Variants in GPD2 observed in about 807,000 individuals in gnomAD.
The protein encoded by GPD2 is glycerol-3-phosphate dehydrogenase 2.
A neutral mutation model predicts 82.4 loss-of-function variants in GPD2; 54 were observed. The observed-to-expected ratio is 0.66, with a 90% confidence interval of 0.53 to 0.82. The LOEUF (loss-of-function observed/expected upper bound fraction) is 0.82, where lower values mean the gene tolerates loss of function less well. Among genes scored for constraint, GPD2 ranks in the 40% least tolerant of loss-of-function variants. GPD2 has a pLI of 0.00. For synonymous variants in GPD2, 288 were observed against 306.1 expected, an observed-to-expected ratio of 0.94 and a Z score of 0.62; for missense variants, 748 against 896.2, an observed-to-expected ratio of 0.83 and a Z score of 2.11.
chr2:156,514,551 T>G (rs1685127414), intron 6 of GPD2, among the ~76,000 whole-genome samples: 1 of 152,122 alleles, frequency 6.6e-6, no homozygotes. Context: ...AGGCTATCCC[T>G]GTGTTTTTTT....
chr2:156,463,565 C>T (rs763048718), intron 1 of GPD2, among the ~76,000 whole-genome samples: 1 of 152,082 alleles, frequency 6.6e-6, no homozygotes, highest in Non-Finnish European at 1.5e-5. Flanking sequence ...TAGCTTTGGA[C>T]ATTTTGAAGG....
At chr2:156,432,081 T>C (rs1423962755), upstream of GPD2, among the ~76,000 whole-genome samples, 1 of 152,018 alleles carries the variant, frequency 6.6e-6, no homozygotes, top group Non-Finnish European at 1.5e-5. Context: ...AGAGACAAGG[T>C]TCCACCATGT....
At position 156,549,757 on chromosome 2, in the gene GPD2, A is replaced by G. The variant is rs1461759218; in HGVS notation, c.811A>G (p.Lys271Glu). Reference sequence around the variant, plus strand: ...AGTGCGTGTGAGCGGCGCACGGTGCAAGGATGTCCTCACAGGTATGCCAGG... The same window carrying G: ...AGTGCGTGTGAGCGGCGCACGGTGCGAGGATGTCCTCACAGGTATGCCAGG... The part of the protein sequence containing the change: ...GKVRVSGARC[K>E]DVLTGQEFDV... The change falls in exon 7 of 17, where the codon AAG becomes GAG. Residue 271 changes from lysine (K) to glutamate (E), a missense_variant. Lys to Glu is a moderately conservative substitution (Grantham distance 56, BLOSUM62 1). This residue lies in a region of GPD2 where 692 missense variants were observed against 809.7 expected (regional missense o/e 0.85). Coordinates refer to ENST00000438166, the MANE Select transcript of GPD2 (RefSeq NM_000408.5). The G allele has an allele frequency of 6.2e-7, 1 of 1,613,546 alleles. No individual in the cohort carries two copies. The highest frequency in any genetic ancestry group is 8.5e-7 in the Non-Finnish European group (1 of 1,179,604).
chr2:156,418,113 G>A, the GPD2 span, among the ~76,000 whole-genome samples: 4 of 152,156 alleles, frequency 2.6e-5, no homozygotes, highest in African/African-American at 9.7e-5. Flanking sequence ...TACTCGGGAG[G>A]CTGAGGCAGG....
chr2:156,529,312 G>T (rs1177482909), intron 6 of GPD2, among the ~76,000 whole-genome samples: 1 of 146,966 alleles, frequency 6.8e-6, no homozygotes, highest in Non-Finnish European at 1.5e-5. Flanking sequence ...AAATTTGTTT[G>T]AGTTCATTGT....
intron 13 of GPD2, among the ~76,000 whole-genome samples, chr2:156,574,749 A>T (rs1286293386): frequency 6.6e-6 from 1 of 152,204 alleles, no homozygotes; most frequent in Non-Finnish European, 1.5e-5. Flanking sequence ...AATAATGTGG[A>T]TGTGTATGAG....
the GPD2 span, among the ~76,000 whole-genome samples, chr2:156,406,181 TCATTA>T: frequency 2.0e-5 from 3 of 152,064 alleles, no homozygotes; most frequent in African/African-American, 7.2e-5. Flanking sequence ...GGGAATTAAA[TCATTA>T]CTTATTCCAT....
intron 13 of GPD2, among the ~76,000 whole-genome samples, chr2:156,577,132 T>A (rs780766796): frequency 4.6e-5 from 7 of 152,192 alleles, no homozygotes; most frequent in Non-Finnish European, 1.0e-4. Context: ...GAAGGAAGAA[T>A]GTTTCTAGTA....
At chr2:156,550,572 G>C (rs565041120) in intron 7 of GPD2, 30 bp from the exon 8 acceptor site, 2 of 1,610,084 alleles carry the variant, frequency 1.2e-6, no homozygotes, top group Non-Finnish European at 1.7e-6. Flanking sequence ...AACAAATGAG[G>C]TGTGTGATTG....
chr2:156,510,914 T>C lies in GPD2; in HGVS notation c.393T>C (p.Ile131=). 1.2e-6 allele frequency: 2 copies of C among 1,613,726 alleles called. No individual in the cohort carries two copies. The highest frequency in any genetic ancestry group is 4.5e-5 in the East Asian group (2 of 44,862). ...YLQKAIMKLD[I]EQYRMVKEAL... ...AGAAGGCCATCATGAAGTTGGATATTGAGCAGGTAATTGTGTATGCTGGTT... is the reference window on the plus strand; with the variant it reads ...AGAAGGCCATCATGAAGTTGGATATCGAGCAGGTAATTGTGTATGCTGGTT... The change falls in exon 4 of 17, where the codon ATT becomes ATC. Residue 131 remains isoleucine, a synonymous_variant. Coordinates refer to ENST00000438166, the MANE Select transcript of GPD2 (RefSeq NM_000408.5).
At chr2:156,511,888 G>GA (rs1487437162) in intron 4 of GPD2, among the ~76,000 whole-genome samples, 1 of 152,130 alleles carries the variant, frequency 6.6e-6, no homozygotes, top group Non-Finnish European at 1.5e-5. Flanking sequence ...CTCCTACACA[G>GA]AAAAAATATT....
chr2:156,501,551 G>A (rs1684585346), intron 3 of GPD2, among the ~76,000 whole-genome samples: 1 of 152,128 alleles, frequency 6.6e-6, no homozygotes, highest in Non-Finnish European at 1.5e-5. Context: ...TGTGTGCATT[G>A]TAGGATAAAT....
At chr2:156,509,855 C>T (rs949022288) in intron 3 of GPD2, among the ~76,000 whole-genome samples, 2 of 147,520 alleles carry the variant, frequency 1.4e-5, no homozygotes, top group African/African-American at 5.0e-5. Flanking sequence ...CTCACTGTAA[C>T]CTCTGCCTCC....
chr2:156,456,863 G>A (rs889297406), intron 1 of GPD2, among the ~76,000 whole-genome samples: 1 of 152,104 alleles, frequency 6.6e-6, no homozygotes, highest in Non-Finnish European at 1.5e-5. Flanking sequence ...TGGTTTGGGC[G>A]ACACAGTGGT....
intron 6 of GPD2, among the ~76,000 whole-genome samples, chr2:156,531,758 C>T (rs1412483564): frequency 2.6e-5 from 4 of 152,148 alleles, no homozygotes; most frequent in Admixed American, 2.6e-4. Flanking sequence ...TGAGGGCCCT[C>T]CACAACACAA....
intron 1 of GPD2, among the ~76,000 whole-genome samples, chr2:156,473,856 G>C (rs1275218726): frequency 6.6e-6 from 1 of 152,132 alleles, no homozygotes; most frequent in African/African-American, 2.4e-5. Context: ...AGCAACCTAG[G>C]ATATAAGGTT....
intron 13 of GPD2, among the ~76,000 whole-genome samples, chr2:156,572,726 A>G (rs1374714221): frequency 4.6e-5 from 7 of 152,206 alleles, no homozygotes; most frequent in African/African-American, 1.7e-4. Flanking sequence ...AATCCAGGAA[A>G]AAGAGAAAAT....
At chr2:156,579,929 G>C (rs1358416429) in intron 16 of GPD2, 141 bp downstream of exon 16, 1 of 695,030 alleles carries the variant, frequency 1.4e-6, no homozygotes, top group Non-Finnish European at 2.7e-6. Flanking sequence ...GAAGCCAGCA[G>C]AGGTTGATAT....
chr2:156,585,747 G>A lies in GPD2; in HGVS notation c.*2829G>A, dbSNP rs575389605. ...GATGTTATTTTTCTCTTATGTATCT[G>A]TAAAGATTTTTGGCATATGAATGTA... On this transcript the variant is annotated 3_prime_UTR_variant, in exon 17 of 17. Coordinates refer to ENST00000438166, the MANE Select transcript of GPD2 (RefSeq NM_000408.5). 6.6e-6 allele frequency: 1 copy of A among 152,432 alleles called. No homozygotes were observed. The highest frequency in any genetic ancestry group is 2.1e-4 in the South Asian group (1 of 4,822). 9.4% of individuals were successfully genotyped at this position (152,432 alleles called of 1,614,324 possible). A position where few individuals can be genotyped will look rare whatever the true frequency, so the allele number is the denominator to read the frequency against.
Sources: gnomAD v4.1 joint callset for allele counts (sites outside exome capture counted in the v4.1 genomes callset) on GRCh38, gnomAD v4.1.1 for gene constraint, gnomAD v4.1.1 regional missense constraint, MANE v1.5 for transcripts, NCBI Gene and HGNC (gene_info 2026-07-23, HGNC 2026-07-21) for gene names.